Variants in ABCA8 observed in about 807,000 individuals in gnomAD.
ABCA8 encodes the protein ABC-type organic anion transporter ABCA8.
A neutral mutation model predicts 192.3 loss-of-function variants in ABCA8; 177 were observed. The observed-to-expected ratio is 0.92, with a 90% CI of 0.81 to 1.04. The LOEUF (loss-of-function observed/expected upper bound fraction) is 1.04. Ranked by LOEUF, ABCA8 falls within the 50% of genes least tolerant of loss-of-function variation. The probability of loss-of-function intolerance (pLI) is 0.00; values close to 1 mark genes in which losing one functional copy is unlikely to be tolerated. For missense variants in ABCA8, 1,915 were observed against 1,904.8 expected (o/e 1.01, Z -0.10); for synonymous variants, 642 against 690.2 (o/e 0.93, Z 1.09).
At chr17:68,946,453 G>A (rs902855264) in intron 2 of ABCA8, among the ~76,000 whole-genome samples, 6 of 152,116 alleles carry the variant, frequency 3.9e-5, no homozygotes, top group Admixed American at 1.3e-4. Flanking sequence ...CTAGTCAATG[G>A]AATATATGCA....
chr17:68,888,314 A>T (rs1037612621), intron 24 of ABCA8, among the ~76,000 whole-genome samples: 2 of 152,022 alleles, frequency 1.3e-5, no homozygotes, highest in Non-Finnish European at 2.9e-5. Context: ...TTATGAAGTG[A>T]TGTGGTTTTC....
chr17:68,901,206 A>C (rs2066901075), intron 21 of ABCA8, among the ~76,000 whole-genome samples: 1 of 152,214 alleles, frequency 6.6e-6, no homozygotes, highest in Admixed American at 6.5e-5. Flanking sequence ...AATTTCAGTG[A>C]ATAGGCAAAT....
chr17:68,883,638 G>A (rs1030768592), intron 29 of ABCA8, among the ~76,000 whole-genome samples, 153 bp downstream of exon 29: 4 of 152,058 alleles, frequency 2.6e-5, no homozygotes, highest in African/African-American at 9.7e-5. Flanking sequence ...TTGGGTTTAG[G>A]TATCTGGATC....
At chr17:68,928,097 T>C in intron 9 of ABCA8, 34 bp from the exon 10 acceptor site, 1 of 1,505,810 alleles carries the variant, frequency 6.6e-7, no homozygotes, top group South Asian at 1.2e-5. Context: ...TAAGGGAAAT[T>C]AGGTATAAGA....
chr17:68,941,002 T>A, intron 3 of ABCA8, 40 bp from the exon 4 acceptor site: 2 of 1,469,966 alleles, frequency 1.4e-6, no homozygotes, highest in Non-Finnish European at 1.9e-6. Context: ...AAGTCTTATT[T>A]AAAATTAGTC....
At chr17:68,876,902 AG>A (rs1461801178) in intron 33 of ABCA8, among the ~76,000 whole-genome samples, 199 bp from the exon 34 acceptor site, 1 of 152,258 alleles carries the variant, frequency 6.6e-6, no homozygotes, top group Non-Finnish European at 1.5e-5. Context: ...AAGAAATAGA[AG>A]GACATGACAT....
intron 2 of ABCA8, among the ~76,000 whole-genome samples, chr17:68,949,023 G>T (rs888560822): frequency 6.6e-6 from 1 of 152,050 alleles, no homozygotes; most frequent in African/African-American, 2.4e-5. Flanking sequence ...GTTTGTTTTT[G>T]TCAGGTTTGT....
chr17:68,920,815 A>G (rs1322917370), intron 13 of ABCA8, among the ~76,000 whole-genome samples: 1 of 152,110 alleles, frequency 6.6e-6, no homozygotes, highest in Admixed American at 6.5e-5. Flanking sequence ...ATCTAGAACT[A>G]GAAATACCAT....
At chr17:68,891,352 T>C (rs2066617004) in intron 24 of ABCA8, 137 bp downstream of exon 24, 2 of 569,910 alleles carry the variant, frequency 3.5e-6, no homozygotes, top group Admixed American at 6.4e-5. Flanking sequence ...AAACTTTCTT[T>C]CATTTTTATA....
intron 18 of ABCA8, among the ~76,000 whole-genome samples, chr17:68,906,699 A>G (rs555442847): frequency 1.3e-5 from 2 of 152,192 alleles, no homozygotes; most frequent in Admixed American, 6.5e-5. Context: ...AAAAATTCAC[A>G]AGACCTAACA....
intron 1 of ABCA8, among the ~76,000 whole-genome samples, chr17:68,953,851 T>C (rs2068638322): frequency 6.6e-6 from 1 of 152,120 alleles, no homozygotes; most frequent in Non-Finnish European, 1.5e-5. Context: ...GCTGCTGTAC[T>C]TCTCCTCTCT....
intron 37 of ABCA8, among the ~76,000 whole-genome samples, chr17:68,872,723 A>C (rs777904261): frequency 9.2e-5 from 14 of 152,116 alleles, no homozygotes; most frequent in Non-Finnish European, 1.6e-4. Flanking sequence ...AGTGATGTTG[A>C]TAATCCTGAC....
chr17:68,953,271 C>T (rs180791346), intron 1 of ABCA8, among the ~76,000 whole-genome samples: 1 of 152,322 alleles, frequency 6.6e-6, no homozygotes, highest in African/African-American at 2.4e-5. Flanking sequence ...TGAAGACCAT[C>T]ATTTGGCTCA....
rs149135144 is a variant in ABCA8 at position 68,954,118 on chromosome 17, G to A, written c.-167+1101C>T. On this transcript the variant is annotated intron_variant, in intron 1 of 39. Coordinates refer to ENST00000586539, the MANE Select transcript of ABCA8 (RefSeq NM_001288985.2). ...AGTTACATATGTATACATGTGCCAC[G>A]CTGGTGCGCTGCACCCACTAACTCG... Among the ~76,000 whole-genome samples the A allele has an allele frequency of 6.2e-3, 929 of 150,564 alleles. 8 individuals carry two copies. Among genetic ancestry groups the A allele is most frequent in the African/African-American group, 0.021 (858 of 40,898 alleles).
chr17:68,913,935 A>G (rs1440021116), intron 17 of ABCA8, among the ~76,000 whole-genome samples: 1 of 152,108 alleles, frequency 6.6e-6, no homozygotes, highest in African/African-American at 2.4e-5. Context: ...GAATTCAACA[A>G]CACATTAAAA....
At chr17:68,932,145 G>A (rs946230576) in intron 7 of ABCA8, 143 bp downstream of exon 7, 9 of 595,492 alleles carry the variant, frequency 1.5e-5, no homozygotes, top group Non-Finnish European at 2.3e-5. Flanking sequence ...GTGAGGCGGA[G>A]CTTGCAGTGA....
intron 24 of ABCA8, among the ~76,000 whole-genome samples, chr17:68,887,971 CAT>C (rs199692584): frequency 0.016 from 1,982 of 121,476 alleles, 66 homozygotes; most frequent in African/African-American, 0.057. Flanking sequence ...TATACACACA[CAT>C]ATATATGGAT....
chr17:68,924,490 C>G (rs2067639693), intron 11 of ABCA8, among the ~76,000 whole-genome samples: 1 of 152,028 alleles, frequency 6.6e-6, no homozygotes, highest in African/African-American at 2.4e-5. Flanking sequence ...AAAATTTAAG[C>G]TTTTATTTAG....
intron 37 of ABCA8, among the ~76,000 whole-genome samples, chr17:68,870,819 C>G (rs976683973): frequency 6.6e-6 from 1 of 152,202 alleles, no homozygotes; most frequent in Non-Finnish European, 1.5e-5. Flanking sequence ...GTGCAGGTAT[C>G]TCTTTGAGAT....
Sources: allele counts gnomAD v4.1 joint callset (sites outside exome capture counted in the v4.1 genomes callset), GRCh38; gene constraint gnomAD v4.1.1; transcripts MANE v1.5; gene names NCBI Gene and HGNC (gene_info 2026-07-23, HGNC 2026-07-21).